SPECC1: variants seen among roughly 807,000 people sequenced by gnomAD.
The protein encoded by SPECC1 is sperm antigen with calponin homology and coiled-coil domains 1.
Under a neutral mutation model 104.1 loss-of-function variants are expected in SPECC1, and 62 were observed. The ratio of observed to expected loss-of-function variants is 0.60; its 90% CI spans 0.49 to 0.74. The LOEUF (loss-of-function observed/expected upper bound fraction) is 0.74, where lower values mean the gene tolerates loss of function less well. Ranked by LOEUF, SPECC1 falls within the 30% of genes least tolerant of loss-of-function variation. SPECC1 has a pLI of 0.00. For missense variants in SPECC1, 1,306 were observed against 1,310.5 expected, an observed-to-expected ratio of 1.00 and a Z score of 0.05; for synonymous variants, 513 against 501.6, an observed-to-expected ratio of 1.02 and a Z score of -0.30.
At chr17:20,185,911 C>G (rs1284346962) in intron 3 of SPECC1, among the ~76,000 whole-genome samples, 1 of 152,166 alleles carries the variant, frequency 6.6e-6, no homozygotes, top group Non-Finnish European at 1.5e-5. Flanking sequence ...GATCTTGGCT[C>G]ACTGCAACCT....
chr17:20,110,863 A>G (rs1054531980), intron 3 of SPECC1, among the ~76,000 whole-genome samples: 8 of 151,900 alleles, frequency 5.3e-5, no homozygotes, highest in African/African-American at 1.9e-4. Flanking sequence ...AGGGCGGCAT[A>G]TGTTCTGGGG....
chr17:20,249,804 A>C (rs575179132), intron 9 of SPECC1, among the ~76,000 whole-genome samples: 2 of 152,306 alleles, frequency 1.3e-5, no homozygotes, highest in Admixed American at 1.3e-4. Flanking sequence ...AAAAGGACAT[A>C]AGAAACATAT....
At chr17:20,131,471 G>A (rs1219362787) in intron 3 of SPECC1, among the ~76,000 whole-genome samples, 1 of 151,820 alleles carries the variant, frequency 6.6e-6, no homozygotes, top group African/African-American at 2.4e-5. Flanking sequence ...GAGCCACTGT[G>A]CCCAGCCAGG....
intron 9 of SPECC1, among the ~76,000 whole-genome samples, chr17:20,248,842 CAT>C (rs1456959832): frequency 2.6e-5 from 4 of 152,076 alleles, no homozygotes; most frequent in African/African-American, 9.7e-5. Flanking sequence ...AGAAATTTTA[CAT>C]GTTTGTGTTG....
At chr17:20,183,692 G>A (rs1053965353) in intron 3 of SPECC1, among the ~76,000 whole-genome samples, 35 of 152,108 alleles carry the variant, frequency 2.3e-4, no homozygotes, top group African/African-American at 4.8e-4. Context: ...TGTAAATGCC[G>A]TGTCATTTGT....
At chr17:20,161,798 C>CTTT (rs200231490) in intron 3 of SPECC1, among the ~76,000 whole-genome samples, 20 of 141,634 alleles carry the variant, frequency 1.4e-4, no homozygotes, top group African/African-American at 4.7e-4. Context: ...TTTTTTCTTT[C>CTTT]TTTTTTTTTT....
rs778934063 is a variant in SPECC1 at position 20,205,419 on chromosome 17, C to G, written c.1370C>G (p.Thr457Ser). Residue 457 changes from threonine to serine, a missense_variant, in exon 4 of 15, where the codon ACC (threonine) becomes AGC (serine). Thr to Ser is a moderately conservative substitution (Grantham distance 58). Transcript: ENST00000395527. ...LQERVKNEEP[T>S]TQEGKIIELE... ...GAGCGAGTAAAGAATGAAGAGCCCACCACTCAGGAAGGAAAAATTATTGAA... is the reference window on the plus strand; with the variant it reads ...GAGCGAGTAAAGAATGAAGAGCCCAGCACTCAGGAAGGAAAAATTATTGAA... 6.2e-7 allele frequency: 1 copy of G among 1,614,046 alleles called. No homozygotes were observed. Among genetic ancestry groups the G allele is most frequent in the South Asian group, 1.1e-5 (1 of 91,066 alleles).
chr17:20,089,438 GCAA>G (rs1317429175), intron 1 of SPECC1, among the ~76,000 whole-genome samples: 4 of 151,008 alleles, frequency 2.6e-5, no homozygotes, highest in African/African-American at 9.8e-5. Flanking sequence ...ACCAGCCTAG[GCAA>G]CAAGGTGAGA....
rs531601576 is a variant in SPECC1 at position 20,051,568 on chromosome 17, G to GT, written c.-22+42148dup. Among the ~76,000 whole-genome samples, 119 of 152,270 alleles carry GT rather than the reference G, an allele frequency of 7.8e-4. 1 individual carries two copies. The highest frequency in any genetic ancestry group is 6.4e-3 in the South Asian group (31 of 4,824). ...AAAATGTATGTTTAGGTAAACATCTGTTTTAGGGCTTTTTCTTCCTTTGAA... is the reference window on the plus strand; with the variant it reads ...AAAATGTATGTTTAGGTAAACATCTGTTTTTAGGGCTTTTTCTTCCTTTGAA... On this transcript the variant is annotated intron_variant, in intron 1 of 14. Coordinates refer to ENST00000395527, the MANE Select transcript of SPECC1 (RefSeq NM_001243439.2).
intron 1 of SPECC1, among the ~76,000 whole-genome samples, chr17:20,043,811 G>C (rs1205474276): frequency 6.6e-6 from 1 of 152,118 alleles, no homozygotes; most frequent in Admixed American, 6.5e-5. Flanking sequence ...GGAAGATAAA[G>C]TATTGAATTA....
chr17:20,200,552 C>T (rs1041450697), intron 3 of SPECC1, among the ~76,000 whole-genome samples: 1 of 152,222 alleles, frequency 6.6e-6, no homozygotes, highest in African/African-American at 2.4e-5. Context: ...ACTGGCCCTT[C>T]TCTCCACTGT....
At chr17:20,083,211 G>T (rs1297551856) in intron 1 of SPECC1, among the ~76,000 whole-genome samples, 2 of 152,150 alleles carry the variant, frequency 1.3e-5, no homozygotes, top group Non-Finnish European at 2.9e-5. Context: ...CAGCAGAAGG[G>T]GTCTGAATGC....
intron 9 of SPECC1, among the ~76,000 whole-genome samples, chr17:20,252,806 G>T (rs1479946485): frequency 6.6e-6 from 1 of 152,162 alleles, no homozygotes; most frequent in African/African-American, 2.4e-5. Context: ...CTTGGCTGTT[G>T]TGAATTATGC....
At chr17:20,034,895 G>A (rs756575976) in intron 1 of SPECC1, among the ~76,000 whole-genome samples, 9 of 152,094 alleles carry the variant, frequency 5.9e-5, no homozygotes, top group South Asian at 2.1e-4. Context: ...GTGAGCCACC[G>A]TGCGTGGCCT....
At chr17:20,149,068 G>C (rs1189007808) in intron 3 of SPECC1, among the ~76,000 whole-genome samples, 1 of 152,124 alleles carries the variant, frequency 6.6e-6, no homozygotes, top group East Asian at 1.9e-4. Context: ...TTTTAACTTA[G>C]TATCTGACAC....
rs117489400 is a variant in SPECC1, at chr17:20,173,722, T to A, written c.284-30611T>A. 3.9e-5 allele frequency among the ~76,000 whole-genome samples: 6 copies of A among 152,352 alleles called. No individual in the cohort carries two copies. In the East Asian group the frequency reaches 1.2e-3, roughly 29 times the overall value. Reference sequence around the variant, plus strand: ...GCTAAGTGCAAAGTTGTGTGAATGCTGATTCAGTCTTTGTGAAAGTACAGT... The same window carrying A: ...GCTAAGTGCAAAGTTGTGTGAATGCAGATTCAGTCTTTGTGAAAGTACAGT... On this transcript the variant is annotated intron_variant, in intron 3 of 14. Coordinates refer to ENST00000395527, the MANE Select transcript of SPECC1 (RefSeq NM_001243439.2).
At chr17:20,158,828 G>A (rs2032856975) in intron 3 of SPECC1, among the ~76,000 whole-genome samples, 1 of 152,162 alleles carries the variant, frequency 6.6e-6, no homozygotes, top group South Asian at 2.1e-4. Flanking sequence ...CTGTGATCAT[G>A]GCTCACTGCA....
At chr17:20,119,298 C>T (rs1331165241) in intron 3 of SPECC1, among the ~76,000 whole-genome samples, 1 of 152,128 alleles carries the variant, frequency 6.6e-6, no homozygotes, top group East Asian at 1.9e-4. Flanking sequence ...GGCTGGAGTG[C>T]CATGGCGCTC....
At position 20,079,107 on chromosome 17, in the gene SPECC1, AAAGG is replaced by A. The variant is rs148322558; in HGVS notation, c.-21-17520_-21-17517del. The stretch of plus-strand genomic sequence containing the variant: ...TAAAGGTCTTAACTTATGTTTTAGA[AAAGG>A]AAGCAACCCAAGAGGCATGGAGGAA... On this transcript the variant is annotated intron_variant, in intron 1 of 14. Transcript: ENST00000395527. Among the ~76,000 whole-genome samples the A allele has an allele frequency of 5.0e-3, 768 of 152,268 alleles. 4 individuals are homozygous for A. Among genetic ancestry groups the A allele is most frequent in the African/African-American group, 0.018 (735 of 41,516 alleles).
Sources: gnomAD v4.1 joint callset for allele counts (sites outside exome capture counted in the v4.1 genomes callset) on GRCh38, gnomAD v4.1.1 for gene constraint, MANE v1.5 for transcripts, NCBI Gene and HGNC (gene_info 2026-07-23, HGNC 2026-07-21) for gene names.